The following TTC39C variants were observed in gnomAD, a reference collection of about 807,000 sequenced individuals.
TTC39C encodes the protein tetratricopeptide repeat domain 39C.
A neutral mutation model predicts 76.3 loss-of-function variants in TTC39C; 33 were observed. The observed-to-expected ratio is 0.43, with a 90% confidence interval of 0.33 to 0.58. The LOEUF is 0.58. Among genes scored for constraint, TTC39C ranks in the 20% least tolerant of loss-of-function variants. The probability of loss-of-function intolerance (pLI) is 0.04; values close to 1 mark genes in which losing one functional copy is unlikely to be tolerated. For missense variants in TTC39C, 595 were observed against 701.4 expected (o/e 0.85, Z 1.71); for synonymous variants, 254 against 260.6 (o/e 0.97, Z 0.24).
intron 1 of TTC39C, chr18:23,994,249 G>C (rs897973821): frequency 6.8e-6 from 1 of 147,622 alleles, no homozygotes; most frequent in Non-Finnish European, 1.5e-5. Flanking sequence ...TTTGTGCCAC[G>C]GTTTTTGTTT....
Position 24,132,757 on chromosome 18 carries a change from A to G in TTC39C, c.*183A>G. 4.0e-6 allele frequency: 2 copies of G among 498,944 alleles called. No individual in the cohort carries two copies. The highest frequency in any genetic ancestry group is 3.5e-6 in the Non-Finnish European group (1 of 285,558). The allele number at this position is 498,944 out of a possible 1,614,324, so 30.9% of individuals were successfully genotyped here. A position where few individuals can be genotyped will look rare whatever the true frequency, so the allele number is the denominator to read the frequency against. On this transcript the variant is annotated 3_prime_UTR_variant, in exon 14 of 14. Transcript: ENST00000317571. ...CTTTTAAACATGTAGCTGAAAAGTAATAATGATGTTGAGGAGGATGATGAT... is the reference window on the plus strand; with the variant it reads ...CTTTTAAACATGTAGCTGAAAAGTAGTAATGATGTTGAGGAGGATGATGAT...
intron 6 of TTC39C, among the ~76,000 whole-genome samples, chr18:24,083,359 A>G (rs924101505): frequency 1.3e-5 from 2 of 152,230 alleles, no homozygotes; most frequent in African/African-American, 4.8e-5. Context: ...GCACGTGAGC[A>G]TTATTTAGTT....
intron 1 of TTC39C, among the ~76,000 whole-genome samples, chr18:24,007,407 G>A (rs1278937376): frequency 6.6e-6 from 1 of 152,054 alleles, no homozygotes; most frequent in African/African-American, 2.4e-5. Context: ...TTTTGGAGAT[G>A]GAATCTCACT....
intron 1 of TTC39C, among the ~76,000 whole-genome samples, chr18:24,058,926 A>T (rs11875499): frequency 0.94 from 142,962 of 152,204 alleles, 67,723 homozygotes; most frequent in East Asian, 1. Context: ...CTCATTTGTG[A>T]AGTGCCTATT....
At position 24,023,975 on chromosome 18, in the gene TTC39C, TATATA is replaced by T. The variant is rs1568408941; in HGVS notation, c.167+8938_167+8942del. ...GTATATATATATATATATATATATATATATACATATATATATATATATATATATAT... is the reference window on the plus strand; with the variant it reads ...GTATATATATATATATATATATATATCATATATATATATATATATATATAT... On this transcript the variant is annotated intron_variant, in intron 1 of 13. Coordinates refer to ENST00000317571, the MANE Select transcript of TTC39C (RefSeq NM_001135993.2). 5.3e-3 allele frequency among the ~76,000 whole-genome samples: 65 copies of T among 12,306 alleles called. 1 individual carries two copies. Among genetic ancestry groups the T allele is most frequent in the East Asian group, 0.012 (3 of 250 alleles). The allele number at this position is 12,306 out of a possible 152,430, so 8.1% of individuals were successfully genotyped here. A position where few individuals can be genotyped will look rare whatever the true frequency, so the allele number is the denominator to read the frequency against.
intron 1 of TTC39C, among the ~76,000 whole-genome samples, chr18:24,003,413 G>A (rs1378985409): frequency 6.6e-6 from 1 of 152,150 alleles, no homozygotes; most frequent in Non-Finnish European, 1.5e-5. Flanking sequence ...AGATTCTCAG[G>A]TTCAGGGGTT....
chr18:24,056,607 A>G (rs2084019931), intron 1 of TTC39C, among the ~76,000 whole-genome samples: 1 of 152,150 alleles, frequency 6.6e-6, no homozygotes, highest in Non-Finnish European at 1.5e-5. Context: ...TTTTTAATAT[A>G]TTGGAGAGAC....
At position 24,085,212 on chromosome 18, in the gene TTC39C, T is replaced by TC. The variant is rs1225715972; in HGVS notation, c.984+2133dup. Among the ~76,000 whole-genome samples, 11 of 152,358 alleles carry TC rather than the reference T, an allele frequency of 7.2e-5. No individual in the cohort carries two copies. In the South Asian group the frequency reaches 2.1e-3, roughly 29 times the overall value. ...TTTACCTCGGTCATCTCTTCAGCGA[T>TC]CCATCTAGAAGCCTAAAGTTTAAAA... On this transcript the variant is annotated intron_variant, in intron 6 of 13. Coordinates refer to ENST00000317571, the MANE Select transcript of TTC39C (RefSeq NM_001135993.2).
rs200014735 is a variant in TTC39C at position 24,065,657 on chromosome 18, A to G, written c.217-355A>G. On this transcript the variant is annotated intron_variant, in intron 2 of 13. Coordinates refer to ENST00000317571, the MANE Select transcript of TTC39C (RefSeq NM_001135993.2). ...TGGAGCCAGGGATCCATATGTGGGT[A>G]GAATGAACTTCTGCATCAGACGCCA... Among the ~76,000 whole-genome samples, 24 of 152,350 alleles carry G rather than the reference A, an allele frequency of 1.6e-4. No individual in the cohort carries two copies. In the East Asian group the frequency reaches 4.4e-3, roughly 28 times the overall value.
intron 1 of TTC39C, among the ~76,000 whole-genome samples, chr18:23,993,486 A>G (rs2083235910): frequency 6.6e-6 from 1 of 152,244 alleles, no homozygotes; most frequent in Admixed American, 6.5e-5. Flanking sequence ...TTCATATCAA[A>G]TAATTTACTA....
intron 5 of TTC39C, among the ~76,000 whole-genome samples, chr18:24,082,371 A>G (rs183327740): frequency 6.6e-6 from 1 of 152,156 alleles, no homozygotes; most frequent in Non-Finnish European, 1.5e-5. Flanking sequence ...TGGTTTCCAT[A>G]TTTAAATTTA....
intron 10 of TTC39C, among the ~76,000 whole-genome samples, chr18:24,127,431 C>T (rs2085065407): frequency 6.6e-6 from 1 of 152,182 alleles, no homozygotes; most frequent in African/African-American, 2.4e-5. Context: ...AATCCTATAT[C>T]CTTGTCTTGT....
chr18:24,087,980 A>T (rs1286895090), intron 6 of TTC39C, among the ~76,000 whole-genome samples: 3 of 152,228 alleles, frequency 2.0e-5, no homozygotes, highest in Non-Finnish European at 4.4e-5. Flanking sequence ...AGCTACTGGT[A>T]GAAAAATCTA....
chr18:24,118,376 C>T, intron 8 of TTC39C, 144 bp downstream of exon 8: 1 of 618,140 alleles, frequency 1.6e-6, no homozygotes. Flanking sequence ...TTTTGTGCAA[C>T]CAAGTAAATA....
At chr18:24,048,978 T>C (rs2083918010) in intron 1 of TTC39C, among the ~76,000 whole-genome samples, 1 of 152,240 alleles carries the variant, frequency 6.6e-6, no homozygotes, top group African/African-American at 2.4e-5. Context: ...TATGTGGTTC[T>C]TAAGACGCGT....
chr18:24,061,988 C>T (rs1334673875), intron 1 of TTC39C, among the ~76,000 whole-genome samples: 2 of 152,208 alleles, frequency 1.3e-5, no homozygotes, highest in Non-Finnish European at 2.9e-5. Context: ...AGAGGACGAT[C>T]GCCCGTCCTG....
At chr18:24,116,833 T>G (rs925320373) in intron 7 of TTC39C, among the ~76,000 whole-genome samples, 2 of 147,022 alleles carry the variant, frequency 1.4e-5, no homozygotes, top group East Asian at 2.1e-4. Context: ...TTTTTTTTTT[T>G]TTTTTTTTTT....
intron 1 of TTC39C, chr18:24,015,293 C>T (rs921597546): frequency 2.7e-6 from 1 of 368,572 alleles, no homozygotes; most frequent in Non-Finnish European, 4.9e-6. Context: ...CGCCCGCAGT[C>T]CCCCTCTCAC....
chr18:24,073,768 C>T (rs910824747), intron 4 of TTC39C, among the ~76,000 whole-genome samples: 2 of 152,230 alleles, frequency 1.3e-5, no homozygotes, highest in South Asian at 2.1e-4. Context: ...AATCCTTCCG[C>T]CTTGTCCTCC....
Sources: gnomAD v4.1 joint callset for allele counts (sites outside exome capture counted in the v4.1 genomes callset) on GRCh38, gnomAD v4.1.1 for gene constraint, MANE v1.5 for transcripts, NCBI Gene and HGNC (gene_info 2026-07-23, HGNC 2026-07-21) for gene names.